Variants in PCM1 observed in about 807,000 individuals in gnomAD.
The protein encoded by PCM1 is pericentriolar material 1 protein.
A neutral mutation model predicts 241.9 loss-of-function variants in PCM1; 157 were observed. That is an observed-to-expected ratio of 0.65 (90% CI 0.57 to 0.74). The LOEUF (loss-of-function observed/expected upper bound fraction) is 0.74. Ranked by LOEUF, PCM1 falls within the 30% of genes least tolerant of loss-of-function variation. PCM1 has a pLI of 0.00. For synonymous variants in PCM1, 1,085 were observed against 784.9 expected (o/e 1.38, Z -6.39); for missense variants, 3,478 against 2,360.1 (o/e 1.47, Z -9.81).
At chr8:17,987,235 G>A (rs1372426226) in intron 26 of PCM1, among the ~76,000 whole-genome samples, 4 of 151,694 alleles carry the variant, frequency 2.6e-5, no homozygotes, top group African/African-American at 9.7e-5. Flanking sequence ...TCCTTTTTGT[G>A]GGAAATGAAA....
chr8:17,985,950 C>G lies in PCM1; in HGVS notation c.4282-9C>G, dbSNP rs1258209020. On this transcript the variant is annotated splice_polypyrimidine_tract_variant and intron_variant, in intron 25 of 38. Transcript: ENST00000325083. ...TTTATATAAATGATGATCTTATTTT[C>G]TTATTTAGGACATAGTATCCAGACA... 1.3e-6 allele frequency: 2 copies of G among 1,481,900 alleles called. No homozygotes were observed. The highest frequency in any genetic ancestry group is 1.8e-6 in the Non-Finnish European group (2 of 1,089,744). 91.8% of individuals were successfully genotyped at this position (1,481,900 alleles called of 1,614,324 possible).
intron 29 of PCM1, among the ~76,000 whole-genome samples, chr8:17,994,385 T>TA (rs1380149275): frequency 6.6e-6 from 1 of 152,214 alleles, no homozygotes; most frequent in Non-Finnish European, 1.5e-5. Flanking sequence ...TATGGCTGAA[T>TA]AGTACTCCAT....
Position 18,028,176 on chromosome 8 carries a change from G to T in PCM1, c.*514G>T, listed in dbSNP as rs915032313. 2.1e-5 allele frequency: 4 copies of T among 192,790 alleles called. No individual in the cohort carries two copies. The highest frequency in any genetic ancestry group is 9.3e-5 in the African/African-American group (4 of 43,068). The allele number at this position is 192,790 out of a possible 1,614,324, so 11.9% of individuals were successfully genotyped here. On this transcript the variant is annotated 3_prime_UTR_variant, in exon 39 of 39. Transcript: ENST00000325083. ...ATGTTCTTCTTTTAGATACCTGCAG[G>T]TCCTATTCCTGTGCAAGAATAGGGC... is the stretch of plus-strand genomic sequence containing the variant.
intron 33 of PCM1, 131 bp downstream of exon 33, chr8:18,011,497 C>T (rs1470721201): frequency 1.9e-6 from 2 of 1,054,264 alleles, no homozygotes; most frequent in Non-Finnish European, 2.7e-6. Flanking sequence ...TCACTGTGAC[C>T]CTGACTAAAT....
chr8:18,021,953 T>C (rs1588742310), intron 36 of PCM1, among the ~76,000 whole-genome samples: 1 of 152,212 alleles, frequency 6.6e-6, no homozygotes, highest in African/African-American at 2.4e-5. Flanking sequence ...AGGAGGCTTT[T>C]TGTGAACTGC....
chr8:17,961,113 T>A (rs1336259935), intron 15 of PCM1, among the ~76,000 whole-genome samples: 1 of 152,172 alleles, frequency 6.6e-6, no homozygotes, highest in Non-Finnish European at 1.5e-5. Flanking sequence ...CCATAAGATA[T>A]CTAAGGAAAA....
chr8:18,018,864 A>ATG lies in PCM1; in HGVS notation c.5841+4025_5841+4026insGT, dbSNP rs1439604006. Among the ~76,000 whole-genome samples the ATG allele has an allele frequency of 2.1e-4, 14 of 66,056 alleles. No homozygotes were observed. The East Asian group carries it at 4.3e-3, about 20-fold the overall frequency. The allele number at this position is 66,056 out of a possible 152,430, so 43.3% of individuals were successfully genotyped here. Reference sequence around the variant, plus strand: ...TGTGTGTGTGTGTGTATATATATATATATATATATATATATACACACACAT... The same window carrying ATG: ...TGTGTGTGTGTGTGTATATATATATATGTATATATATATATATACACACACAT... On this transcript the variant is annotated intron_variant, in intron 36 of 38. Transcript: ENST00000325083.
At chr8:18,019,120 C>G (rs935398585) in intron 36 of PCM1, among the ~76,000 whole-genome samples, 1 of 151,938 alleles carries the variant, frequency 6.6e-6, no homozygotes, top group Admixed American at 6.6e-5. Context: ...CTGCTTATAC[C>G]TGGAAGAACC....
intron 27 of PCM1, among the ~76,000 whole-genome samples, chr8:17,990,709 A>C (rs2084319136): frequency 6.6e-6 from 1 of 152,110 alleles, no homozygotes; most frequent in South Asian, 2.1e-4. Flanking sequence ...AAAATAATGT[A>C]ATGTCCTGTT....
chr8:17,925,245 C>T (rs2056468580), intron 2 of PCM1: 1 of 152,096 alleles, frequency 6.6e-6, no homozygotes, highest in South Asian at 2.1e-4. Context: ...CTTCGATCTC[C>T]CTTTCCTGGT....
chr8:17,928,550 C>G (rs980357629), intron 2 of PCM1, among the ~76,000 whole-genome samples: 1 of 151,924 alleles, frequency 6.6e-6, no homozygotes, highest in Admixed American at 6.6e-5. Flanking sequence ...CAATGGCCCC[C>G]GCTTTCTCAG....
At position 17,993,551 on chromosome 8, in the gene PCM1, A is replaced by C. The variant is rs1564241743; in HGVS notation, c.4759A>C (p.Arg1587=). 1 of 1,598,166 alleles carries C rather than the reference A, an allele frequency of 6.3e-7. No individual in the cohort carries two copies. Among genetic ancestry groups the C allele is most frequent in the Middle Eastern group, 1.7e-4 (1 of 6,036 alleles). Residue 1587 remains arginine (R), a synonymous_variant, in exon 29 of 39, where the codon AGA becomes CGA. Transcript: ENST00000325083. ...TGAAGTTTCTACCATCCCATGTCCT[A>C]GAATTGATACTCAGCAGCTGGACCG... The part of the protein sequence containing the change: ...VSEVSTIPCP[R]IDTQQLDRQI...
intron 24 of PCM1, among the ~76,000 whole-genome samples, 154 bp downstream of exon 24, chr8:17,980,909 A>C (rs2080503060): frequency 2.0e-5 from 3 of 152,226 alleles, no homozygotes; most frequent in Admixed American, 2.0e-4. Context: ...CTTGATACTG[A>C]AAAATAAAAA....
intron 13 of PCM1, among the ~76,000 whole-genome samples, chr8:17,959,038 C>T (rs554475102): frequency 1.3e-5 from 2 of 152,180 alleles, no homozygotes; most frequent in African/African-American, 4.8e-5. Context: ...TCTGTCTTTA[C>T]CTCCATTAAT....
chr8:17,939,746 G>T lies in PCM1; in HGVS notation c.668G>T (p.Arg223Leu). The T allele has an allele frequency of 6.4e-7, 1 of 1,559,318 alleles. No homozygotes were observed. The highest frequency in any genetic ancestry group is 1.2e-5 in the South Asian group (1 of 84,618). The change falls in exon 6 of 39, where the codon CGG (arginine) becomes CTG (leucine). Residue 223 changes from arginine to leucine, a missense_variant. By Grantham distance (102) the Arg-to-Leu change is moderately radical. Coordinates refer to ENST00000325083, the MANE Select transcript of PCM1 (RefSeq NM_006197.4). ...TATATTACTAAAGCTAGTTCCATGC[G>T]GGAAGATCTTGTAGAGAAAAATGAG... ...RDYITKASSMREDLVEKNERS... is the reference protein window; with the variant it reads ...RDYITKASSMLEDLVEKNERS...
intron 18 of PCM1, among the ~76,000 whole-genome samples, 153 bp downstream of exon 18, chr8:17,964,921 C>T (rs1286232255): frequency 6.6e-6 from 1 of 152,114 alleles, no homozygotes; most frequent in Admixed American, 6.5e-5. Context: ...GCAGACCCCT[C>T]AAGTTAAGGG....
chr8:17,970,613 C>G (rs1457971019), intron 22 of PCM1, among the ~76,000 whole-genome samples: 2 of 152,084 alleles, frequency 1.3e-5, no homozygotes, highest in Admixed American at 6.6e-5. Flanking sequence ...AAGCCTAACA[C>G]AGTGTTAGTT....
Position 17,980,626 on chromosome 8 carries a change from C to T in PCM1, c.3979C>T (p.Pro1327Ser). Residue 1327 changes from proline to serine, a missense_variant, in exon 24 of 39, where the codon CCT (proline) becomes TCT (serine). By Grantham distance (74) the Pro-to-Ser change is moderately conservative. Transcript: ENST00000325083. ...TGCCAGTATGTCTAGCACATGTGAACCTTGCAAAAGTAGGAACAGACATTC... is the reference window on the plus strand; with the variant it reads ...TGCCAGTATGTCTAGCACATGTGAATCTTGCAAAAGTAGGAACAGACATTC... ...ESASMSSTCEPCKSRNRHSAQ... is the reference protein window; with the variant it reads ...ESASMSSTCESCKSRNRHSAQ... 2 of 1,612,536 alleles carry T rather than the reference C, an allele frequency of 1.2e-6. No individual in the cohort carries two copies. The highest frequency in any genetic ancestry group is 1.7e-5 in the Admixed American group (1 of 59,824).
intron 36 of PCM1, among the ~76,000 whole-genome samples, chr8:18,015,437 A>G (rs950881083): frequency 6.6e-6 from 1 of 152,218 alleles, no homozygotes; most frequent in Non-Finnish European, 1.5e-5. Context: ...TGCTTCTGTT[A>G]GAACCAAAGC....
Sources: allele counts gnomAD v4.1 joint callset (sites outside exome capture counted in the v4.1 genomes callset), GRCh38; gene constraint gnomAD v4.1.1; transcripts MANE v1.5; gene names NCBI Gene and HGNC (gene_info 2026-07-23, HGNC 2026-07-21).